The following SMIM14 variants were observed in gnomAD, a reference collection of about 807,000 sequenced individuals.
SMIM14 encodes the protein small integral membrane protein 14.
Under a neutral mutation model 12.6 loss-of-function variants are expected in SMIM14, and 5 were observed. The ratio of observed to expected loss-of-function variants is 0.40; its 90% confidence interval spans 0.21 to 0.83. SMIM14 has a LOEUF of 0.83. Among genes scored for constraint, SMIM14 ranks in the 40% least tolerant of loss-of-function variants. The pLI is 0.37. For missense variants in SMIM14, 86 were observed against 119.1 expected (o/e 0.72, Z 1.29); for synonymous variants, 30 against 40.1 (o/e 0.75, Z 0.95).
At position 39,550,915 on chromosome 4, in the gene SMIM14, T is replaced by TC. The variant is rs5857685; in HGVS notation, c.*1210_*1211insG. 2 of 116,324 alleles carry TC rather than the reference T, an allele frequency of 1.7e-5. No individual in the cohort carries two copies. Among genetic ancestry groups the TC allele is most frequent in the African/African-American group, 2.7e-5 (1 of 37,120 alleles). 7.2% of individuals were successfully genotyped at this position (116,324 alleles called of 1,614,324 possible). ...CTAATACAGCTTTAAGATTTTCTTCTTTTTTTTTTTTTGAGAGGGAGTCTC... is the reference window on the plus strand; with the variant it reads ...CTAATACAGCTTTAAGATTTTCTTCTCTTTTTTTTTTTTGAGAGGGAGTCTC... On this transcript the variant is annotated 3_prime_UTR_variant, in exon 5 of 5. Coordinates refer to ENST00000295958, the MANE Select transcript of SMIM14 (RefSeq NM_174921.3).
chr4:39,616,934 A>G (rs1715248850), intron 1 of SMIM14, among the ~76,000 whole-genome samples: 4 of 152,140 alleles, frequency 2.6e-5, no homozygotes, highest in Admixed American at 2.6e-4. Flanking sequence ...AAGGTTTTTA[A>G]AAGTATTTAG....
intron 2 of SMIM14, among the ~76,000 whole-genome samples, chr4:39,572,718 A>T (rs1372087712): frequency 1.3e-5 from 2 of 152,054 alleles, no homozygotes; most frequent in African/African-American, 2.4e-5. Flanking sequence ...GCTATTAGGG[A>T]GGCTGAGGTG....
Position 39,558,556 on chromosome 4 carries a change from G to A in SMIM14, c.125-1986C>T, listed in dbSNP as rs1193431073. Reference sequence around the variant, plus strand: ...GGCTCCGTGGGAACTTGCATAGGGCGGAGTGGGCTTACCTAAAAAAACCCA... The same window carrying A: ...GGCTCCGTGGGAACTTGCATAGGGCAGAGTGGGCTTACCTAAAAAAACCCA... On this transcript the variant is annotated intron_variant, in intron 3 of 4. Transcript: ENST00000295958. This position sits in a 1 kb window ranked among gnomAD's most constrained non-coding sequence, Gnocchi z 4.3. Among the ~76,000 whole-genome samples, 1 of 152,150 alleles carries A rather than the reference G, an allele frequency of 6.6e-6. No homozygotes were observed. Among genetic ancestry groups the A allele is most frequent in the East Asian group, 1.9e-4 (1 of 5,200 alleles).
chr4:39,596,704 C>T (rs1714381089), intron 2 of SMIM14, among the ~76,000 whole-genome samples: 1 of 152,216 alleles, frequency 6.6e-6, no homozygotes, highest in Non-Finnish European at 1.5e-5. Flanking sequence ...CAGCAATACA[C>T]AAGCCTACAA....
intron 1 of SMIM14, among the ~76,000 whole-genome samples, chr4:39,619,143 T>A (rs887722631): frequency 1.7e-4 from 25 of 149,054 alleles, no homozygotes; most frequent in African/African-American, 6.1e-4. Flanking sequence ...TATGAGAAAA[T>A]TGAGATAATT....
rs951725975 is a variant in SMIM14 at position 39,586,422 on chromosome 4, C to A, written c.76-13959G>T. Among the ~76,000 whole-genome samples, 11 of 152,054 alleles carry A rather than the reference C, an allele frequency of 7.2e-5. 1 individual carries two copies. Among genetic ancestry groups the A allele is most frequent in the African/African-American group, 2.4e-4 (10 of 41,338 alleles). On this transcript the variant is annotated intron_variant, in intron 2 of 4. Transcript: ENST00000295958. ...AAACATAATTCAGCCAAGTTCTTTG[C>A]TACTTTGTAACAAAGATTGCCTTTT...
At chr4:39,553,669 C>T (rs1446867102) in intron 4 of SMIM14, among the ~76,000 whole-genome samples, 2 of 151,122 alleles carry the variant, frequency 1.3e-5, no homozygotes. Context: ...TCTCAGCTCA[C>T]TGCAACCTCC....
At chr4:39,615,376 T>TA (rs748601835) in intron 1 of SMIM14, among the ~76,000 whole-genome samples, 50 of 152,308 alleles carry the variant, frequency 3.3e-4, no homozygotes, top group Non-Finnish European at 5.7e-4. Context: ...AAAAGAACTT[T>TA]AAAAAATAAA....
At chr4:39,589,877 A>G (rs1443005054) in intron 2 of SMIM14, among the ~76,000 whole-genome samples, 3 of 151,842 alleles carry the variant, frequency 2.0e-5, no homozygotes, top group African/African-American at 7.3e-5. Context: ...CGTCTCTACT[A>G]AAAATACAAA....
At chr4:39,629,609 G>A (rs987900205) in intron 1 of SMIM14, among the ~76,000 whole-genome samples, 3 of 151,074 alleles carry the variant, frequency 2.0e-5, no homozygotes, top group East Asian at 1.9e-4. Context: ...CAATGGCTTC[G>A]CTTATAAATG....
At chr4:39,577,515 C>T (rs1713267832) in intron 2 of SMIM14, among the ~76,000 whole-genome samples, 2 of 151,580 alleles carry the variant, frequency 1.3e-5, no homozygotes, top group Admixed American at 6.6e-5. Flanking sequence ...GCAACCTCCA[C>T]CTCCTGGATT....
intron 3 of SMIM14, among the ~76,000 whole-genome samples, chr4:39,571,316 G>A (rs761044921): frequency 2.0e-5 from 3 of 151,782 alleles, no homozygotes; most frequent in Non-Finnish European, 4.4e-5. Context: ...GGTGACTCAC[G>A]CCTGTAATCC....
chr4:39,635,305 T>C (rs144182850), intron 1 of SMIM14, among the ~76,000 whole-genome samples: 5 of 152,316 alleles, frequency 3.3e-5, no homozygotes, highest in Non-Finnish European at 5.9e-5. Context: ...CAAGGTAAGA[T>C]AAGAGAGGAA....
At chr4:39,556,304 G>A (rs1421796058) in intron 4 of SMIM14, 124 bp downstream of exon 4, 2 of 850,926 alleles carry the variant, frequency 2.4e-6, no homozygotes, top group Non-Finnish European at 3.6e-6. Flanking sequence ...TACATAGGTA[G>A]AATACTCTAT....
At chr4:39,612,305 A>G (rs1715065109) in intron 1 of SMIM14, among the ~76,000 whole-genome samples, 2 of 151,904 alleles carry the variant, frequency 1.3e-5, no homozygotes, top group African/African-American at 4.8e-5. Context: ...CCCCAGTTGG[A>G]GTGCAATGGT....
At chr4:39,634,955 G>A (rs1716037220) in intron 1 of SMIM14, among the ~76,000 whole-genome samples, 1 of 152,182 alleles carries the variant, frequency 6.6e-6, no homozygotes, top group African/African-American at 2.4e-5. Context: ...GGACAGACAA[G>A]GTTCCATATT....
intron 1 of SMIM14, among the ~76,000 whole-genome samples, chr4:39,637,504 T>C (rs1367066559): frequency 6.6e-6 from 1 of 151,538 alleles, no homozygotes; most frequent in Non-Finnish European, 1.5e-5. Context: ...AGCAATTAAC[T>C]ATCACGTACT....
intron 2 of SMIM14, among the ~76,000 whole-genome samples, chr4:39,585,643 A>T (rs773693901): frequency 6.6e-6 from 1 of 152,088 alleles, no homozygotes; most frequent in Non-Finnish European, 1.5e-5. Flanking sequence ...ATACTATGAC[A>T]CTGCTAAAAA....
At chr4:39,586,033 C>G (rs762515729) in intron 2 of SMIM14, among the ~76,000 whole-genome samples, 3 of 152,092 alleles carry the variant, frequency 2.0e-5, no homozygotes, top group Non-Finnish European at 4.4e-5. Flanking sequence ...TTCATTCCAT[C>G]CAGTCTCCCT....
Sources: allele counts gnomAD v4.1 joint callset (sites outside exome capture counted in the v4.1 genomes callset), GRCh38; gene constraint gnomAD v4.1.1; non-coding constraint Gnocchi (gnomAD v3.1); transcripts MANE v1.5; gene names NCBI Gene and HGNC (gene_info 2026-07-23, HGNC 2026-07-21).